Variants in GLIS3 observed in about 807,000 individuals in gnomAD.
GLIS3 encodes the protein GLIS family zinc finger 3.
GLIS3 carries 53 observed loss-of-function variants against 78.6 expected under a neutral mutation model. The ratio of observed to expected loss-of-function variants is 0.67; its 90% CI spans 0.54 to 0.85. The LOEUF (loss-of-function observed/expected upper bound fraction) is 0.85, where lower values mean the gene tolerates loss of function less well. Among genes scored for constraint, GLIS3 ranks in the 40% least tolerant of loss-of-function variants. The pLI is 0.00. For missense variants in GLIS3, 1,703 were observed against 1,231.1 expected (o/e 1.38, Z -5.74); for synonymous variants, 684 against 509.9 (o/e 1.34, Z -4.60).
chr9:4,224,160 T>C (rs1053967725), intron 2 of GLIS3, among the ~76,000 whole-genome samples: 4 of 152,198 alleles, frequency 2.6e-5, no homozygotes, highest in Non-Finnish European at 5.9e-5. Context: ...CCTTGCACTC[T>C]GATTAAAACC....
chr9:4,347,817 G>GC (rs1563941095), intron 1 of GLIS3, among the ~76,000 whole-genome samples: 1 of 152,058 alleles, frequency 6.6e-6, no homozygotes, highest in African/African-American at 2.4e-5. Flanking sequence ...TACCTGACAG[G>GC]CTTGAACACA....
intron 2 of GLIS3, among the ~76,000 whole-genome samples, chr9:4,327,632 C>T (rs1453523475): frequency 6.6e-6 from 1 of 152,170 alleles, no homozygotes; most frequent in Non-Finnish European, 1.5e-5. Context: ...CGGAAAGGAC[C>T]TTCAGACCCA....
At chr9:4,108,944 G>T (rs59278931) in intron 4 of GLIS3, among the ~76,000 whole-genome samples, 1,559 of 152,230 alleles carry the variant, frequency 0.01, 28 homozygotes, top group African/African-American at 0.035. Flanking sequence ...TGCTGCCAGA[G>T]AAAGAAGCTC....
intron 4 of GLIS3, among the ~76,000 whole-genome samples, chr9:3,965,898 T>C (rs1034611584): frequency 1.3e-5 from 2 of 152,212 alleles, no homozygotes; most frequent in Admixed American, 6.5e-5. Context: ...CTATAACCAC[T>C]GTGTAGGCAC....
intron 4 of GLIS3, among the ~76,000 whole-genome samples, chr9:4,107,350 T>C (rs1830838512): frequency 1.3e-5 from 2 of 152,124 alleles, no homozygotes; most frequent in South Asian, 2.1e-4. Context: ...GTTGAGGTCA[T>C]GTGACTGAGT....
chr9:3,847,214 TAA>T lies in GLIS3; in HGVS notation c.2473+8793_2473+8794del, dbSNP rs113542066. Among the ~76,000 whole-genome samples, 580 of 150,736 alleles carry T rather than the reference TAA, an allele frequency of 3.8e-3. 4 individuals carry two copies. Among genetic ancestry groups the T allele is most frequent in the African/African-American group, 0.012 (505 of 40,974 alleles). On this transcript the variant is annotated intron_variant, in intron 9 of 10. Transcript: ENST00000381971. ...AAATAAAATTAAATAAATACATAAA[TAA>T]AAAAAAATAAAATAAAGAGGGGGCA...
intron 4 of GLIS3, among the ~76,000 whole-genome samples, chr9:4,070,488 G>C (rs1215339912): frequency 6.6e-6 from 1 of 152,086 alleles, no homozygotes; most frequent in Admixed American, 6.6e-5. Context: ...CTCTGTGTGT[G>C]TGCATGTGCG....
chr9:3,844,119 C>T (rs1236340984), intron 9 of GLIS3, among the ~76,000 whole-genome samples: 2 of 152,090 alleles, frequency 1.3e-5, no homozygotes, highest in Admixed American at 6.6e-5. Flanking sequence ...TTGCTGAGCT[C>T]AGAGGCTGTG....
At chr9:3,911,391 C>G (rs1824140233) in intron 6 of GLIS3, among the ~76,000 whole-genome samples, 1 of 152,180 alleles carries the variant, frequency 6.6e-6, no homozygotes, top group South Asian at 2.1e-4. Context: ...GGTACAGAAC[C>G]TCTTCTTGGC....
At chr9:4,357,591 A>ATGTGTGTGTGTGTGTGTG in the GLIS3 span, among the ~76,000 whole-genome samples, 16 of 127,810 alleles carry the variant, frequency 1.3e-4, no homozygotes, top group African/African-American at 4.9e-4. Context: ...GTGTGTGTGC[A>ATGTGTGTGTGTGTGTGTG]TGTGTATGTG....
chr9:3,957,542 A>C (rs1189236480), intron 4 of GLIS3, among the ~76,000 whole-genome samples: 1 of 152,200 alleles, frequency 6.6e-6, no homozygotes, highest in Non-Finnish European at 1.5e-5. Context: ...AGGATATACC[A>C]CCAGGGCAGT....
intron 4 of GLIS3, among the ~76,000 whole-genome samples, chr9:3,979,487 C>T (rs1385821803): frequency 6.6e-6 from 1 of 152,236 alleles, no homozygotes; most frequent in Non-Finnish European, 1.5e-5. Flanking sequence ...TGCTCTGCAC[C>T]AGCTCTGCCT....
intron 9 of GLIS3, among the ~76,000 whole-genome samples, chr9:3,831,626 C>A (rs1023952145): frequency 6.6e-6 from 1 of 152,136 alleles, no homozygotes; most frequent in Non-Finnish European, 1.5e-5. Flanking sequence ...GATAAAGTAT[C>A]CTGAAAATAT....
chr9:4,313,286 A>G (rs924659969), intron 2 of GLIS3, among the ~76,000 whole-genome samples: 8 of 152,196 alleles, frequency 5.3e-5, no homozygotes, highest in African/African-American at 1.9e-4. Context: ...CATAGCCCAC[A>G]GGGATCTTAG....
At chr9:4,406,253 G>C in the GLIS3 span, among the ~76,000 whole-genome samples, 2 of 152,166 alleles carry the variant, frequency 1.3e-5, no homozygotes, top group Non-Finnish European at 2.9e-5. Flanking sequence ...GAAAAAAAAG[G>C]GCATCCCAAC....
At chr9:4,365,242 T>G in the GLIS3 span, among the ~76,000 whole-genome samples, 1 of 152,152 alleles carries the variant, frequency 6.6e-6, no homozygotes, top group Admixed American at 6.5e-5. Flanking sequence ...TGGCGTAAGA[T>G]ATGAGAAAGT....
At chr9:4,301,449 A>T (rs1047616659), upstream of GLIS3, among the ~76,000 whole-genome samples, 1 of 152,248 alleles carries the variant, frequency 6.6e-6, no homozygotes, top group Admixed American at 6.5e-5. Flanking sequence ...GGAAATTGCC[A>T]TGACTATTCC....
chr9:4,209,183 C>A (rs1389364791), intron 2 of GLIS3, among the ~76,000 whole-genome samples: 1 of 152,156 alleles, frequency 6.6e-6, no homozygotes, highest in Non-Finnish European at 1.5e-5. Context: ...CCAACCCCCT[C>A]ATCTTATAAA....
intron 4 of GLIS3, among the ~76,000 whole-genome samples, chr9:4,025,685 C>A (rs533053793): frequency 1.3e-5 from 2 of 152,182 alleles, no homozygotes; most frequent in African/African-American, 4.8e-5. Context: ...TGTGCCTGGC[C>A]TGGCCCATGT....
Sources: allele counts gnomAD v4.1 joint callset (sites outside exome capture counted in the v4.1 genomes callset), GRCh38; gene constraint gnomAD v4.1.1; transcripts MANE v1.5; gene names NCBI Gene and HGNC (gene_info 2026-07-23, HGNC 2026-07-21).